The following ARHGEF12 variants were observed in gnomAD, a reference collection of about 807,000 sequenced individuals.
ARHGEF12 encodes the protein Rho guanine nucleotide exchange factor 12, also known as KMT2A/ARHGEF12 fusion protein.
Under a neutral mutation model 211.2 loss-of-function variants are expected in ARHGEF12, and 66 were observed. The observed-to-expected ratio is 0.31, with a 90% CI of 0.26 to 0.38. The LOEUF (loss-of-function observed/expected upper bound fraction) is 0.38, where lower values mean the gene tolerates loss of function less well. Among genes scored for constraint, ARHGEF12 ranks in the 10% least tolerant of loss-of-function variants. The pLI, the probability that ARHGEF12 is intolerant of heterozygous loss-of-function variation, is 1.00. For synonymous variants in ARHGEF12, 592 were observed against 638.4 expected (o/e 0.93, Z 1.09); for missense variants, 1,429 against 1,869.5 (o/e 0.76, Z 4.34).
At chr11:120,444,338 T>C (rs1035473716) in intron 15 of ARHGEF12, among the ~76,000 whole-genome samples, 3 of 152,214 alleles carry the variant, frequency 2.0e-5, no homozygotes, top group Non-Finnish European at 4.4e-5. Context: ...TATATCAATA[T>C]TAAAGTATAA....
chr11:120,407,324 G>A (rs1273248791), intron 2 of ARHGEF12, among the ~76,000 whole-genome samples: 2 of 152,108 alleles, frequency 1.3e-5, no homozygotes, highest in African/African-American at 2.4e-5. Flanking sequence ...ATGTTAAACC[G>A]TTCTCATGCA....
chr11:120,357,237 G>A (rs1183849316), intron 1 of ARHGEF12, among the ~76,000 whole-genome samples: 2 of 151,934 alleles, frequency 1.3e-5, no homozygotes, highest in African/African-American at 2.4e-5. Flanking sequence ...CAAGTGATCC[G>A]CCTGCCTCAA....
chr11:120,377,804 A>C (rs889848956), intron 1 of ARHGEF12, among the ~76,000 whole-genome samples: 2 of 152,100 alleles, frequency 1.3e-5, no homozygotes, highest in African/African-American at 4.8e-5. Context: ...GTTTTTGGCT[A>C]TTTTGAATAA....
At chr11:120,407,950 T>G (rs1174451257) in intron 3 of ARHGEF12, 127 bp downstream of exon 3, 1 of 728,450 alleles carries the variant, frequency 1.4e-6, no homozygotes, top group Non-Finnish European at 2.2e-6. Flanking sequence ...ATTCCTCCAA[T>G]TATATCATAA....
intron 4 of ARHGEF12, among the ~76,000 whole-genome samples, chr11:120,416,161 T>C (rs772225628): frequency 5.9e-5 from 9 of 152,184 alleles, no homozygotes; most frequent in Non-Finnish European, 1.0e-4. Flanking sequence ...ATTTATAAAA[T>C]TGACTGTGCA....
rs1942358072 is a variant in ARHGEF12, at chr11:120,336,621, C to T, written c.-623C>T. ...TGAGAGACCCGGGTCCCTGTCACCT[C>T]GGGCCGCGGGACCTCTCCGCCGGCG... On this transcript the variant is annotated 5_prime_UTR_variant, in exon 1 of 41. Transcript: ENST00000397843. Among the ~76,000 whole-genome samples the T allele has an allele frequency of 6.6e-6, 1 of 151,920 alleles. No homozygotes were observed. The highest frequency in any genetic ancestry group is 1.5e-5 in the Non-Finnish European group (1 of 67,928).
Position 120,337,217 on chromosome 11 carries a change from AAGG to A in ARHGEF12, c.-22_-20del. 1 of 1,614,126 alleles carries A rather than the reference AAGG, an allele frequency of 6.2e-7. No homozygotes were observed. Among genetic ancestry groups the A allele is most frequent in the South Asian group, 1.1e-5 (1 of 91,064 alleles). ...TTACTGTAAAATGCAAGTTGGATAAAAGGAGGACCTCTCGCCAAGGGCCCCAAT... is the reference window on the plus strand; with the variant it reads ...TTACTGTAAAATGCAAGTTGGATAAAAGGACCTCTCGCCAAGGGCCCCAAT... On this transcript the variant is annotated 5_prime_UTR_variant, in exon 1 of 41. Transcript: ENST00000397843.
chr11:120,465,116 T>C (rs774952306), intron 27 of ARHGEF12, 121 bp from the exon 28 acceptor site: 8 of 1,257,494 alleles, frequency 6.4e-6, no homozygotes, highest in Admixed American at 4.0e-5. Flanking sequence ...CACATAGATA[T>C]GCAGTTCTGT....
At chr11:120,442,289 G>T in intron 15 of ARHGEF12, 87 bp downstream of exon 15, 10 of 930,646 alleles carry the variant, frequency 1.1e-5, no homozygotes, top group South Asian at 6.4e-5. Flanking sequence ...CCATGTTTTT[G>T]GATTTTACTG....
intron 1 of ARHGEF12, among the ~76,000 whole-genome samples, chr11:120,396,244 A>ATAAATACATGGGTGAG (rs1431442014): frequency 6.6e-5 from 10 of 152,322 alleles, no homozygotes; most frequent in African/African-American, 2.4e-4. Flanking sequence ...AAATGATTAC[A>ATAAATACATGGGTGAG]TAAATACATG....
intron 1 of ARHGEF12, among the ~76,000 whole-genome samples, chr11:120,375,054 T>C (rs1177643476): frequency 6.6e-6 from 1 of 152,176 alleles, no homozygotes; most frequent in Non-Finnish European, 1.5e-5. Context: ...GGTAGATGAA[T>C]GGTCCAAAGA....
In ARHGEF12 at chr11:120,489,280, A is replaced by T; in HGVS notation, c.*4203A>T. The T allele has an allele frequency of 4.4e-6, 1 of 226,868 alleles. No homozygotes were observed. The highest frequency in any genetic ancestry group is 8.8e-6 in the Non-Finnish European group (1 of 114,100). The allele number at this position is 226,868 out of a possible 1,614,324, so 14.1% of individuals were successfully genotyped here. A position where few individuals can be genotyped will look rare whatever the true frequency, so the allele number is the denominator to read the frequency against. On this transcript the variant is annotated 3_prime_UTR_variant, in exon 41 of 41. Transcript: ENST00000397843. The stretch of plus-strand genomic sequence containing the variant: ...CTTTATTGAGATATTCACATATCAT[A>T]TAATTCATCCATTTAAAGTGTATAA...
chr11:120,447,953 C>T, intron 19 of ARHGEF12, 47 bp downstream of exon 19: 4 of 1,407,284 alleles, frequency 2.8e-6, no homozygotes, highest in Non-Finnish European at 3.9e-6. Context: ...AAAAAAAGAA[C>T]TATGTTTTTT....
chr11:120,342,534 G>T (rs996887461), intron 1 of ARHGEF12, among the ~76,000 whole-genome samples: 1 of 152,074 alleles, frequency 6.6e-6, no homozygotes, highest in African/African-American at 2.4e-5. Context: ...TATGCTTTCT[G>T]TTGATCCATT....
intron 1 of ARHGEF12, among the ~76,000 whole-genome samples, chr11:120,388,936 C>T (rs1944125134): frequency 6.6e-6 from 1 of 152,054 alleles, no homozygotes; most frequent in African/African-American, 2.4e-5. Flanking sequence ...AATCTTGGCT[C>T]ACTACAGCCT....
intron 1 of ARHGEF12, among the ~76,000 whole-genome samples, chr11:120,355,458 C>A (rs1160907689): frequency 6.6e-6 from 1 of 152,114 alleles, no homozygotes; most frequent in East Asian, 1.9e-4. Context: ...AAATGTTATT[C>A]CCATTTTACA....
chr11:120,457,234 G>A lies in ARHGEF12; in HGVS notation c.2173G>A (p.Glu725Lys), dbSNP rs1946389802. ...PPPLDQVQEE[E>K]CEVERVTEHG... ...TCCATTAGACCAAGTGCAGGAGGAG[G>A]AATGTGAAGTAGAAAGGTAATTCAG... The change falls in exon 23 of 41, where the codon GAA (glutamate) becomes AAA (lysine). Residue 725 changes from glutamate (E) to lysine (K), a missense_variant. This residue lies in a region of ARHGEF12 where 373 missense variants were observed against 467.5 expected (regional missense o/e 0.80). Transcript: ENST00000397843. 1.9e-6 allele frequency: 3 copies of A among 1,613,868 alleles called. No homozygotes were observed. In the South Asian group the frequency reaches 3.3e-5, roughly 18 times the overall value.
chr11:120,422,362 C>G (rs1024961225), intron 6 of ARHGEF12, among the ~76,000 whole-genome samples: 3 of 152,142 alleles, frequency 2.0e-5, no homozygotes, highest in African/African-American at 7.2e-5. Flanking sequence ...AGTGCAGGAG[C>G]TGAGACTGCA....
intron 27 of ARHGEF12, among the ~76,000 whole-genome samples, chr11:120,461,021 T>C (rs185184593): frequency 8.4e-4 from 128 of 152,304 alleles, no homozygotes; most frequent in African/African-American, 2.8e-3. Flanking sequence ...AATCCTAGTT[T>C]TTTTGCAGTT....
Sources: gnomAD v4.1 joint callset for allele counts (sites outside exome capture counted in the v4.1 genomes callset) on GRCh38, gnomAD v4.1.1 for gene constraint, gnomAD v4.1.1 regional missense constraint, MANE v1.5 for transcripts, NCBI Gene and HGNC (gene_info 2026-07-23, HGNC 2026-07-21) for gene names.